The following TEX26 variants were observed in gnomAD, a reference collection of about 807,000 sequenced individuals.
TEX26 encodes the protein testis-expressed protein 26.
A neutral mutation model predicts 35.3 loss-of-function variants in TEX26; 34 were observed. The ratio of observed to expected loss-of-function variants is 0.96; its 90% CI spans 0.73 to 1.28. The LOEUF is 1.28. Ranked by LOEUF, TEX26 falls within the 50% of genes most tolerant of loss-of-function variation. The pLI is 0.00. For missense variants in TEX26, 371 were observed against 330.1 expected (o/e 1.12, Z -0.96); for synonymous variants, 136 against 111.8 (o/e 1.22, Z -1.36).
chr13:30,970,426 G>A (rs1954676361), intron 6 of TEX26, among the ~76,000 whole-genome samples: 1 of 152,098 alleles, frequency 6.6e-6, no homozygotes, highest in African/African-American at 2.4e-5. Flanking sequence ...GGCCAGTCTG[G>A]CACTTCAGAA....
At chr13:30,941,081 C>T (rs1028664917) in intron 2 of TEX26, among the ~76,000 whole-genome samples, 4 of 152,164 alleles carry the variant, frequency 2.6e-5, no homozygotes, top group Non-Finnish European at 5.9e-5. Context: ...TGCTACCTTG[C>T]GCAAGTAACA....
intron 2 of TEX26, among the ~76,000 whole-genome samples, chr13:30,949,195 T>C (rs1228676363): frequency 6.6e-6 from 1 of 152,204 alleles, no homozygotes; most frequent in Non-Finnish European, 1.5e-5. Flanking sequence ...GCTTTGACTT[T>C]CTTCACAGAA....
chr13:30,956,854 A>T lies in TEX26; in HGVS notation c.313-19A>T, dbSNP rs1225057737. 2.5e-6 allele frequency: 4 copies of T among 1,611,532 alleles called. No homozygotes were observed. Among genetic ancestry groups the T allele is most frequent in the Non-Finnish European group, 3.4e-6 (4 of 1,178,088 alleles). On this transcript the variant is annotated intron_variant, in intron 3 of 6. Transcript: ENST00000380473. The stretch of plus-strand genomic sequence containing the variant: ...TGAACCCATATGGATTTTCTTGAAA[A>T]TTATGTTTGCTTTGATAGGACATTT...
chr13:30,948,952 T>C (rs1392706714), intron 2 of TEX26, among the ~76,000 whole-genome samples: 1 of 152,240 alleles, frequency 6.6e-6, no homozygotes, highest in East Asian at 1.9e-4. Flanking sequence ...TTCAGCTTTC[T>C]ACATATGGCT....
intron 2 of TEX26, among the ~76,000 whole-genome samples, chr13:30,942,338 G>A (rs1167745829): frequency 6.6e-6 from 1 of 151,858 alleles, no homozygotes; most frequent in African/African-American, 2.4e-5. Flanking sequence ...AGACATGGCT[G>A]TTCATGTCAT....
In TEX26 at chr13:30,966,300, G is replaced by A. The variant is rs201693674; in HGVS notation, c.548G>A (p.Arg183Gln). The A allele has an allele frequency of 1.3e-4, 214 of 1,613,974 alleles. No individual in the cohort carries two copies. Among genetic ancestry groups the A allele is most frequent in the Admixed American group, 2.7e-4 (16 of 59,998 alleles). ...LLPQPPDTEF[R>Q]RNYQIPAKIP... ...CCCCAACCTCCAGACACTGAATTCCGAAGGAATTACCAAATTCCAGCTAAA... is the reference window on the plus strand; with the variant it reads ...CCCCAACCTCCAGACACTGAATTCCAAAGGAATTACCAAATTCCAGCTAAA... The change falls in exon 5 of 7, where the codon CGA becomes CAA. Residue 183 changes from arginine to glutamine, a missense_variant. By Grantham distance (43) the Arg-to-Gln change is conservative. Transcript: ENST00000380473.
At chr13:30,974,480 C>T (rs1039474700) in intron 6 of TEX26, among the ~76,000 whole-genome samples, 3 of 152,164 alleles carry the variant, frequency 2.0e-5, no homozygotes, top group Admixed American at 6.5e-5. Context: ...TCTATTCCAA[C>T]GTCTGTGCAC....
At chr13:30,960,737 C>T (rs1197651610) in intron 4 of TEX26, among the ~76,000 whole-genome samples, 1 of 152,142 alleles carries the variant, frequency 6.6e-6, no homozygotes, top group Non-Finnish European at 1.5e-5. Flanking sequence ...GCATTTTCAT[C>T]TGTTTCTTGC....
intron 1 of TEX26, among the ~76,000 whole-genome samples, chr13:30,938,735 T>A (rs1327129540): frequency 2.0e-5 from 3 of 152,240 alleles, no homozygotes; most frequent in Non-Finnish European, 2.9e-5. Context: ...ATCAGCAGTG[T>A]TTGACTCCCT....
chr13:30,940,763 C>A (rs548770414), intron 2 of TEX26, among the ~76,000 whole-genome samples: 3 of 152,114 alleles, frequency 2.0e-5, no homozygotes, highest in Admixed American at 6.5e-5. Context: ...CATGGTGAAA[C>A]CCCTTCTCTA....
chr13:30,932,922 A>C lies in TEX26; in HGVS notation c.61+146A>C, dbSNP rs1028113089. 4 of 842,466 alleles carry C rather than the reference A, an allele frequency of 4.7e-6. No homozygotes were observed. In the Admixed American group the frequency reaches 1.1e-4, roughly 24 times the overall value. 52.2% of individuals were successfully genotyped at this position (842,466 alleles called of 1,614,324 possible). A position where few individuals can be genotyped will look rare whatever the true frequency, so the allele number is the denominator to read the frequency against. On this transcript the variant is annotated intron_variant, in intron 1 of 6. Coordinates refer to ENST00000380473, the MANE Select transcript of TEX26 (RefSeq NM_152325.3). ...TCAACTGAGGAAAAGACGGGGAGTC[A>C]GGGAGAATGACAGGGCCTTCATGAC...
chr13:30,970,847 G>A (rs758969736), intron 6 of TEX26, among the ~76,000 whole-genome samples: 120 of 152,180 alleles, frequency 7.9e-4, no homozygotes, highest in Non-Finnish European at 1.5e-3. Flanking sequence ...AAGATACTGG[G>A]GTAAGCTGAT....
At chr13:30,943,326 A>G (rs1484730143) in intron 2 of TEX26, among the ~76,000 whole-genome samples, 2 of 152,018 alleles carry the variant, frequency 1.3e-5, no homozygotes, top group African/African-American at 4.8e-5. Flanking sequence ...AGTGCTACTG[A>G]TTTGTGTACA....
intron 4 of TEX26, among the ~76,000 whole-genome samples, chr13:30,964,353 A>T (rs1032894193): frequency 6.6e-6 from 1 of 152,136 alleles, no homozygotes; most frequent in Non-Finnish European, 1.5e-5. Flanking sequence ...CACAGTTCCA[A>T]ATGTTATGGT....
In TEX26 at chr13:30,936,536, G is replaced by A. The variant is rs572852153; in HGVS notation, c.62-3158G>A. 7.2e-5 allele frequency among the ~76,000 whole-genome samples: 11 copies of A among 152,284 alleles called. No homozygotes were observed. The South Asian group carries it at 1.5e-3, about 20-fold the overall frequency. ...GACCCCTGGGCCTGCCCTTGCTGCC[G>A]CATCTTCTCATCCAAGCAAAAAGAA... On this transcript the variant is annotated intron_variant, in intron 1 of 6. Transcript: ENST00000380473.
rs1953404276 is a variant in TEX26 at position 30,939,702 on chromosome 13, C to G, written c.70C>G (p.Pro24Ala). 6.2e-7 allele frequency: 1 copy of G among 1,613,514 alleles called. No individual in the cohort carries two copies. Among genetic ancestry groups the G allele is most frequent in the Non-Finnish European group, 8.5e-7 (1 of 1,179,690 alleles). ...CHHNLQPTDD[P>A]NWDSYATTMR... ...CTTTATTGTACTTTTAGCAGATGAC[C>G]CCAACTGGGATTCCTATGCTACCAC... is the stretch of plus-strand genomic sequence containing the variant. Residue 24 changes from proline to alanine, a missense_variant, in exon 2 of 7, where the codon CCC (proline) becomes GCC (alanine). Pro to Ala is a conservative substitution (Grantham distance 27). Coordinates refer to ENST00000380473, the MANE Select transcript of TEX26 (RefSeq NM_152325.3).
chr13:30,969,160 T>C (rs539191988), intron 6 of TEX26, 114 bp downstream of exon 6: 2 of 943,996 alleles, frequency 2.1e-6, no homozygotes, highest in African/African-American at 1.7e-5. Context: ...AATGAAAACA[T>C]TGCCTCAAAA....
rs188984726 is a variant in TEX26 at position 30,946,917 on chromosome 13, C to A, written c.147-5743C>A. On this transcript the variant is annotated intron_variant, in intron 2 of 6. Coordinates refer to ENST00000380473, the MANE Select transcript of TEX26 (RefSeq NM_152325.3). ...TTTTAAATAAACACACAAATAAGTT[C>A]TATTTGATCATTTATTTCATTTCTT... 3.0e-4 allele frequency among the ~76,000 whole-genome samples: 45 copies of A among 152,204 alleles called. No homozygotes were observed. In the East Asian group the frequency reaches 6.0e-3, roughly 20 times the overall value.
intron 4 of TEX26, among the ~76,000 whole-genome samples, chr13:30,965,535 G>A (rs1383251514): frequency 6.6e-6 from 1 of 152,162 alleles, no homozygotes; most frequent in Non-Finnish European, 1.5e-5. Flanking sequence ...GCAAGAATCA[G>A]GAATGAACTC....
Sources: gnomAD v4.1 joint callset for allele counts (sites outside exome capture counted in the v4.1 genomes callset) on GRCh38, gnomAD v4.1.1 for gene constraint, MANE v1.5 for transcripts, NCBI Gene and HGNC (gene_info 2026-07-23, HGNC 2026-07-21) for gene names.